PCDH15: variants seen among roughly 807,000 people sequenced by gnomAD.
The protein encoded by PCDH15 is protocadherin-15.
In PCDH15, 129 loss-of-function variants were observed where a neutral mutation model predicts 178.5. The observed-to-expected ratio is 0.72, with a 90% confidence interval of 0.63 to 0.84. PCDH15 has a LOEUF of 0.84. Ranked by LOEUF, PCDH15 falls within the 40% of genes least tolerant of loss-of-function variation. PCDH15 has a pLI of 0.00. For missense variants in PCDH15, 2,230 were observed against 2,099.9 expected, an observed-to-expected ratio of 1.06 and a Z score of -1.21; for synonymous variants, 800 against 732.0, an observed-to-expected ratio of 1.09 and a Z score of -1.50.
At chr10:55,554,903 T>C (rs1842062258) in intron 2 of PCDH15, among the ~76,000 whole-genome samples, 1 of 152,060 alleles carries the variant, frequency 6.6e-6, no homozygotes, top group Admixed American at 6.6e-5. Flanking sequence ...TTGTGAGGCA[T>C]ACTGGCCAGG....
At chr10:54,133,104 A>C in intron 14 of PCDH15, 97 bp from the exon 15 acceptor site, 2 of 1,514,452 alleles carry the variant, frequency 1.3e-6, no homozygotes, top group Non-Finnish European at 1.8e-6. Flanking sequence ...TACAGGAGAA[A>C]AAATTTCCAA....
At chr10:54,874,998 C>A in intron 3 of PCDH15, among the ~76,000 whole-genome samples, 1 of 152,138 alleles carries the variant, frequency 6.6e-6, no homozygotes, top group East Asian at 1.9e-4. Flanking sequence ...TGGTTTACAG[C>A]CTATATACAA....
chr10:55,027,036 G>GCATTT (rs1290622505), intron 2 of PCDH15, among the ~76,000 whole-genome samples: 1 of 151,906 alleles, frequency 6.6e-6, no homozygotes, highest in African/African-American at 2.4e-5. Context: ...AGAGAAAGAT[G>GCATTT]GGATAGGAGT....
At chr10:54,813,071 G>C (rs950277834) in intron 3 of PCDH15, among the ~76,000 whole-genome samples, 2 of 152,054 alleles carry the variant, frequency 1.3e-5, no homozygotes, top group East Asian at 1.9e-4. Flanking sequence ...CAACAACCTA[G>C]AGTTTATTTT....
chr10:55,039,743 C>CATACA (rs1413028457), intron 2 of PCDH15, among the ~76,000 whole-genome samples: 1 of 152,106 alleles, frequency 6.6e-6, no homozygotes, highest in Non-Finnish European at 1.5e-5. Context: ...AAAGAGAAAT[C>CATACA]ATACAATCCA....
In PCDH15 at chr10:54,436,007, G is replaced by A. The variant is rs201711826; in HGVS notation, c.158-57065C>T. ...GAAAGAAAAGAAAAGAAAAGAAGAG[G>A]AGAGGAGAGGAGAGGAGAGGAGAGG... On this transcript the variant is annotated intron_variant, in intron 3 of 37. Coordinates refer to ENST00000644397, the MANE Select transcript of PCDH15 (RefSeq NM_001384140.1). 3.1e-3 allele frequency among the ~76,000 whole-genome samples: 362 copies of A among 115,900 alleles called. 5 individuals are homozygous for A. The highest frequency in any genetic ancestry group is 0.014 in the African/African-American group (329 of 23,518). The allele number at this position is 115,900 out of a possible 152,430, so 76.0% of individuals were successfully genotyped here. A position where few individuals can be genotyped will look rare whatever the true frequency, so the allele number is the denominator to read the frequency against.
At chr10:53,963,407 T>C (rs1484898330) in intron 21 of PCDH15, among the ~76,000 whole-genome samples, 1 of 152,172 alleles carries the variant, frequency 6.6e-6, no homozygotes, top group Non-Finnish European at 1.5e-5. Flanking sequence ...GTTCCCACTC[T>C]TTCTGGCTAC....
At chr10:55,426,636 G>A (rs1302863554) in intron 2 of PCDH15, among the ~76,000 whole-genome samples, 1 of 152,152 alleles carries the variant, frequency 6.6e-6, no homozygotes, top group Non-Finnish European at 1.5e-5. Flanking sequence ...CCTTCCAACA[G>A]CGAGGGCAAA....
At chr10:55,311,019 T>G (rs1169646118) in intron 1 of PCDH15, among the ~76,000 whole-genome samples, 1 of 152,094 alleles carries the variant, frequency 6.6e-6, no homozygotes, top group Admixed American at 6.6e-5. Context: ...TATAATAATT[T>G]TAAAAAAATG....
At chr10:54,481,288 T>C (rs1196725605) in intron 3 of PCDH15, among the ~76,000 whole-genome samples, 1 of 151,832 alleles carries the variant, frequency 6.6e-6, no homozygotes, top group Non-Finnish European at 1.5e-5. Context: ...TACTGCATTT[T>C]AAATCGGTCT....
At chr10:54,195,482 G>A (rs1448950264) in intron 11 of PCDH15, among the ~76,000 whole-genome samples, 1 of 152,076 alleles carries the variant, frequency 6.6e-6, no homozygotes, top group African/African-American at 2.4e-5. Flanking sequence ...ATATCTGCAA[G>A]CTGAAAAGGA....
intron 2 of PCDH15, among the ~76,000 whole-genome samples, chr10:54,530,878 TAACAAAG>T: frequency 6.6e-6 from 1 of 152,202 alleles, no homozygotes; most frequent in South Asian, 2.1e-4. Context: ...ACATTGTTCA[TAACAAAG>T]TGTTTGTTTT....
At chr10:54,542,279 G>C (rs2085330517) in intron 2 of PCDH15, among the ~76,000 whole-genome samples, 1 of 152,150 alleles carries the variant, frequency 6.6e-6, no homozygotes, top group African/African-American at 2.4e-5. Context: ...TGTGAAGCAG[G>C]AAAGTTGTTA....
rs191613018 is a variant in PCDH15, at chr10:54,260,723, A to G, written c.877-23792T>C. Among the ~76,000 whole-genome samples the G allele has an allele frequency of 3.2e-3, 490 of 152,116 alleles. 4 individuals are homozygous for G. The highest frequency in any genetic ancestry group is 5.2e-3 in the Non-Finnish European group (356 of 67,986). Reference sequence around the variant, plus strand: ...AGCCTCCCAAGTAGCTGGAACTACTACTACTACTACAGGCATGCACTAGTA... The same window carrying G: ...AGCCTCCCAAGTAGCTGGAACTACTGCTACTACTACAGGCATGCACTAGTA... On this transcript the variant is annotated intron_variant, in intron 8 of 37. Transcript: ENST00000644397.
intron 37 of PCDH15, chr10:53,808,776 C>CTGAT (rs2075751827): frequency 6.2e-7 from 1 of 1,612,280 alleles, no homozygotes; most frequent in Non-Finnish European, 8.5e-7. Context: ...ACGCTGGTAC[C>CTGAT]TGATAGCCCC....
At chr10:54,641,617 T>C (rs1035400465) in intron 2 of PCDH15, among the ~76,000 whole-genome samples, 2 of 151,950 alleles carry the variant, frequency 1.3e-5, no homozygotes, top group Non-Finnish European at 2.9e-5. Context: ...CTGCTGTGTG[T>C]ATCTGTGTGC....
chr10:55,345,652 A>T (rs1003359574), intron 2 of PCDH15, among the ~76,000 whole-genome samples: 2 of 149,274 alleles, frequency 1.3e-5, no homozygotes, highest in African/African-American at 2.5e-5. Flanking sequence ...ACTGTCCCTG[A>T]TACTACTATT....
At chr10:54,023,262 G>T in intron 18 of PCDH15, 65 bp from the exon 19 acceptor site, 1 of 1,451,124 alleles carries the variant, frequency 6.9e-7, no homozygotes, top group Non-Finnish European at 9.5e-7. Context: ...GTAAATGAAG[G>T]TAACAGTTAA....
At chr10:54,434,895 A>G (rs2075280806) in intron 3 of PCDH15, among the ~76,000 whole-genome samples, 1 of 152,220 alleles carries the variant, frequency 6.6e-6, no homozygotes, top group Non-Finnish European at 1.5e-5. Context: ...TATGACTTGG[A>G]GTACCAGGTA....
Sources: allele counts gnomAD v4.1 joint callset (sites outside exome capture counted in the v4.1 genomes callset), GRCh38; gene constraint gnomAD v4.1.1; transcripts MANE v1.5; gene names NCBI Gene and HGNC (gene_info 2026-07-23, HGNC 2026-07-21).